BDH1: variants seen among roughly 807,000 people sequenced by gnomAD.
The protein encoded by BDH1 is D-beta-hydroxybutyrate dehydrogenase, mitochondrial.
In BDH1, 30 loss-of-function variants were observed where a neutral mutation model predicts 33.1. The ratio of observed to expected loss-of-function variants is 0.91; its 90% CI spans 0.68 to 1.23. The LOEUF is 1.23. Ranked by LOEUF, BDH1 falls within the 50% of genes most tolerant of loss-of-function variation. The pLI, the probability that BDH1 is intolerant of heterozygous loss-of-function variation, is 0.00. For missense variants in BDH1, 443 were observed against 464.4 expected, an observed-to-expected ratio of 0.95 and a Z score of 0.42; for synonymous variants, 190 against 183.6, an observed-to-expected ratio of 1.03 and a Z score of -0.28.
rs542521186 is a variant in BDH1, at chr3:197,562,464, G to C, written c.-44+10717C>G. ...AGCGAAAGGCGTCCCTGGGTGACCA[G>C]GGGCCTCGTGGGAGCGTCTGGGGAG... is the stretch of plus-strand genomic sequence containing the variant. On this transcript the variant is annotated intron_variant, in intron 1 of 6. Transcript: ENST00000358186. 9.1e-4 allele frequency among the ~76,000 whole-genome samples: 138 copies of C among 152,368 alleles called. 1 individual carries two copies. The highest frequency in any genetic ancestry group is 3.1e-3 in the Admixed American group (48 of 15,312).
intron 5 of BDH1, 115 bp downstream of exon 5, chr3:197,532,297 G>T: frequency 1.3e-6 from 1 of 778,224 alleles, no homozygotes; most frequent in Non-Finnish European, 2.2e-6. Flanking sequence ...GATGGAAAAT[G>T]GACAGGCTGG....
upstream of BDH1, among the ~76,000 whole-genome samples, chr3:197,556,323 C>T (rs1380874880): frequency 6.6e-6 from 1 of 152,228 alleles, no homozygotes; most frequent in East Asian, 1.9e-4. Context: ...GTGTTGCTGT[C>T]TTTAGAGCTC....
At position 197,554,641 on chromosome 3, in the gene BDH1, G is replaced by A. The variant is rs770407793; in HGVS notation, c.-123C>T. ...CCTCCATAGTGAAATATGTGCTTCT[G>A]CAACCCCTCAAAGTAGGAACTGCAG... On this transcript the variant is annotated 5_prime_UTR_variant, in exon 2 of 8. Transcript: ENST00000392379. The surrounding 1 kb of genome is among the most constrained non-coding windows in gnomAD (Gnocchi z 4.4). 1 of 152,070 alleles carries A rather than the reference G, an allele frequency of 6.6e-6. No individual in the cohort carries two copies. Among genetic ancestry groups the A allele is most frequent in the Non-Finnish European group, 1.5e-5 (1 of 68,018 alleles). The allele number at this position is 152,070 out of a possible 1,614,324, so 9.4% of individuals were successfully genotyped here.
intron 2 of BDH1, among the ~76,000 whole-genome samples, chr3:197,548,711 C>G (rs746526488): frequency 6.6e-6 from 1 of 152,044 alleles, no homozygotes; most frequent in Non-Finnish European, 1.5e-5. Flanking sequence ...AATAGCCAGG[C>G]GTGGTGGCGG....
chr3:197,546,184 G>C (rs1191144268), intron 3 of BDH1, 177 bp downstream of exon 3: 15 of 593,604 alleles, frequency 2.5e-5, no homozygotes, highest in Non-Finnish European at 4.6e-5. Context: ...TCTGCCCTGT[G>C]TGCCCTGGGA....
chr3:197,548,786 G>A (rs1456316398), intron 2 of BDH1, among the ~76,000 whole-genome samples: 1 of 152,078 alleles, frequency 6.6e-6, no homozygotes, highest in East Asian at 1.9e-4. Context: ...AGGAGGCGGA[G>A]GTTGCAGTGA....
rs148024758 is a variant in BDH1, at chr3:197,511,608, G to A, written c.*287C>T. 442 of 407,130 alleles carry A rather than the reference G, an allele frequency of 1.1e-3. 2 individuals carry two copies. The highest frequency in any genetic ancestry group is 8.5e-3 in the African/African-American group (415 of 48,848). The allele number at this position is 407,130 out of a possible 1,614,324, so 25.2% of individuals were successfully genotyped here. On this transcript the variant is annotated 3_prime_UTR_variant, in exon 8 of 8. Transcript: ENST00000392379. ...AAATGAGATCTGTTTTTAATATAAAGATGTTTTCTTAAAATCTCTGTATGA... is the reference window on the plus strand; with the variant it reads ...AAATGAGATCTGTTTTTAATATAAAAATGTTTTCTTAAAATCTCTGTATGA...
rs1331287421 is a variant in BDH1 at position 197,526,262 on chromosome 3, G to A, written c.268-3481C>T. On this transcript the variant is annotated intron_variant, in intron 5 of 7. Transcript: ENST00000392379. This position sits in a 1 kb window ranked among gnomAD's most constrained non-coding sequence, Gnocchi z 4.7. ...GTAAAGCTTTCCCCTGCCCAGCCCT[G>A]AGGGCTGTGGGAAGTAGGTGCTGGT... 1.3e-5 allele frequency among the ~76,000 whole-genome samples: 2 copies of A among 152,208 alleles called. No individual in the cohort carries two copies. The highest frequency in any genetic ancestry group is 2.9e-5 in the Non-Finnish European group (2 of 68,032).
chr3:197,554,914 C>G lies in BDH1; in HGVS notation c.-195-201G>C, dbSNP rs566362336. Among the ~76,000 whole-genome samples, 124 of 152,364 alleles carry G rather than the reference C, an allele frequency of 8.1e-4. 1 individual carries two copies. Among genetic ancestry groups the G allele is most frequent in the African/African-American group, 2.8e-3 (115 of 41,582 alleles). On this transcript the variant is annotated intron_variant, in intron 1 of 7. Coordinates refer to ENST00000392379, the MANE Select transcript of BDH1 (RefSeq NM_203314.3). This position sits in a 1 kb window ranked among gnomAD's most constrained non-coding sequence, Gnocchi z 4.4. Reference sequence around the variant, plus strand: ...CACGTAAGCAGAGCGCGAGAACGCCCGAGACGGCGGCGCAGCCAATCCCAG... The same window carrying G: ...CACGTAAGCAGAGCGCGAGAACGCCGGAGACGGCGGCGCAGCCAATCCCAG...
chr3:197,571,810 C>G (rs1402312687), intron 1 of BDH1, among the ~76,000 whole-genome samples: 3 of 152,158 alleles, frequency 2.0e-5, no homozygotes, highest in Admixed American at 6.5e-5. Context: ...TGCCTGTAAT[C>G]TCAACACTTT....
intron 3 of BDH1, chr3:197,538,974 G>A (rs1715374750): frequency 6.6e-6 from 1 of 152,298 alleles, no homozygotes; most frequent in Admixed American, 6.5e-5. Flanking sequence ...ATGAGAAGGT[G>A]TCATTGAAAC....
intron 3 of BDH1, among the ~76,000 whole-genome samples, chr3:197,540,949 C>G (rs918188289): frequency 6.6e-6 from 1 of 152,176 alleles, no homozygotes; most frequent in Non-Finnish European, 1.5e-5. Context: ...TGTGAATACT[C>G]CTGGGCGGGC....
At chr3:197,524,687 G>A (rs1404132739) in intron 5 of BDH1, among the ~76,000 whole-genome samples, 1 of 151,748 alleles carries the variant, frequency 6.6e-6, no homozygotes, top group African/African-American at 2.4e-5. Context: ...GCTGCCTGGA[G>A]GTGTTGAGGC....
intron 1 of BDH1, among the ~76,000 whole-genome samples, chr3:197,565,050 G>C (rs566169018): frequency 6.6e-6 from 1 of 152,258 alleles, no homozygotes; most frequent in African/African-American, 2.4e-5. Context: ...AGCCTCCCTA[G>C]TAGCTGAGAT....
chr3:197,559,845 C>A (rs1187498340), upstream of BDH1, among the ~76,000 whole-genome samples: 1 of 152,256 alleles, frequency 6.6e-6, no homozygotes, highest in Admixed American at 6.5e-5. Context: ...TCCCCACCTT[C>A]TACCGTTCTG....
intron 4 of BDH1, among the ~76,000 whole-genome samples, chr3:197,533,153 A>G (rs1714830225): frequency 6.6e-6 from 1 of 152,216 alleles, no homozygotes; most frequent in Admixed American, 6.5e-5. Flanking sequence ...CTGGGATTAC[A>G]GGCGGGAGCC....
chr3:197,513,975 G>C (rs147675125), intron 7 of BDH1, among the ~76,000 whole-genome samples: 1 of 152,236 alleles, frequency 6.6e-6, no homozygotes, highest in African/African-American at 2.4e-5. Context: ...TTTGTGCAAA[G>C]GGTGATTCTC....
intron 3 of BDH1, among the ~76,000 whole-genome samples, chr3:197,538,126 T>C (rs914842565): frequency 6.6e-6 from 1 of 152,190 alleles, no homozygotes; most frequent in Non-Finnish European, 1.5e-5. Context: ...ATTTATGTAA[T>C]ATCCAGGGTT....
intron 1 of BDH1, among the ~76,000 whole-genome samples, chr3:197,569,364 A>G (rs893633862): frequency 2.0e-5 from 3 of 152,126 alleles, no homozygotes; most frequent in Non-Finnish European, 4.4e-5. Context: ...GCTTTGTTAC[A>G]CAGAAATTTC....
Sources: gnomAD v4.1 joint callset for allele counts (sites outside exome capture counted in the v4.1 genomes callset) on GRCh38, gnomAD v4.1.1 for gene constraint, Gnocchi (gnomAD v3.1) non-coding constraint, MANE v1.5 for transcripts, NCBI Gene and HGNC (gene_info 2026-07-23, HGNC 2026-07-21) for gene names.